The following FLRT2 variants were observed in gnomAD, a reference collection of about 807,000 sequenced individuals.
FLRT2 encodes the protein fibronectin leucine rich transmembrane protein 2.
FLRT2 carries 15 observed loss-of-function variants against 40.0 expected under a neutral mutation model. The ratio of observed to expected loss-of-function variants is 0.38; its 90% CI spans 0.25 to 0.58. FLRT2 has a LOEUF of 0.58. Among genes scored for constraint, FLRT2 ranks in the 20% least tolerant of loss-of-function variants. The pLI is 0.71. For synonymous variants in FLRT2, 380 were observed against 336.8 expected (o/e 1.13, Z -1.41); for missense variants, 726 against 840.0 (o/e 0.86, Z 1.68).
At chr14:85,587,994 C>T (rs1891703886) in intron 1 of FLRT2, among the ~76,000 whole-genome samples, 1 of 151,838 alleles carries the variant, frequency 6.6e-6, no homozygotes, top group African/African-American at 2.4e-5. Context: ...TGCAGTGGCG[C>T]AATCTCAGCT....
intron 1 of FLRT2, among the ~76,000 whole-genome samples, chr14:85,587,522 G>A (rs929811750): frequency 2.0e-5 from 3 of 151,902 alleles, no homozygotes; most frequent in African/African-American, 7.3e-5. Flanking sequence ...CATTTTAACT[G>A]GAACTTGATC....
chr14:85,589,315 T>C (rs1024637072), intron 1 of FLRT2, among the ~76,000 whole-genome samples: 1 of 152,186 alleles, frequency 6.6e-6, no homozygotes, highest in Admixed American at 6.5e-5. Flanking sequence ...TTTACTGGGG[T>C]GTGATGATAT....
intron 1 of FLRT2, among the ~76,000 whole-genome samples, chr14:85,602,896 G>C (rs1892440643): frequency 1.3e-5 from 2 of 152,190 alleles, no homozygotes. Context: ...TAGGGTTTCG[G>C]GTTTTTTTGC....
rs562689210 is a variant in FLRT2, at chr14:85,550,862, G to T, written c.-377+20328G>T. 3.9e-5 allele frequency among the ~76,000 whole-genome samples: 6 copies of T among 152,100 alleles called. No homozygotes were observed. The South Asian group carries it at 6.2e-4, about 16-fold the overall frequency. On this transcript the variant is annotated intron_variant, in intron 1 of 1. Transcript: ENST00000330753. ...GAGGGGGTTTCATTGGAAAATTGTA[G>T]CATTTCCTTTATTAGCGACCCTTAA...
At chr14:85,539,407 T>C (rs1465550269) in intron 1 of FLRT2, among the ~76,000 whole-genome samples, 1 of 152,054 alleles carries the variant, frequency 6.6e-6, no homozygotes, top group Non-Finnish European at 1.5e-5. Context: ...CTAGAAATAT[T>C]TTGATTTAAA....
At position 85,625,721 on chromosome 14, in the gene FLRT2, A is replaced by G. The variant is rs1388989680; in HGVS notation, c.*2224A>G. The stretch of plus-strand genomic sequence containing the variant: ...AGACAATGACATGGGGGCTTTGTGT[A>G]CTTAGCTGGATAATTCCCTTCTACT... On this transcript the variant is annotated 3_prime_UTR_variant, in exon 2 of 2. Coordinates refer to ENST00000330753, the MANE Select transcript of FLRT2 (RefSeq NM_013231.6). 3 of 167,110 alleles carry G rather than the reference A, an allele frequency of 1.8e-5. No homozygotes were observed. Among genetic ancestry groups the G allele is most frequent in the Non-Finnish European group, 4.4e-5 (3 of 68,158 alleles). 10.4% of individuals were successfully genotyped at this position (167,110 alleles called of 1,614,324 possible). A position where few individuals can be genotyped will look rare whatever the true frequency, so the allele number is the denominator to read the frequency against.
chr14:85,599,199 C>A (rs1308787046), intron 1 of FLRT2, among the ~76,000 whole-genome samples: 2 of 144,770 alleles, frequency 1.4e-5, no homozygotes, highest in Non-Finnish European at 3.0e-5. Context: ...GGATTACAGG[C>A]GTGAGCCGCT....
Position 85,570,318 on chromosome 14 carries a change from C to T in FLRT2, c.-377+39784C>T, listed in dbSNP as rs973384315. Among the ~76,000 whole-genome samples, 10 of 152,156 alleles carry T rather than the reference C, an allele frequency of 6.6e-5. No homozygotes were observed. The South Asian group carries it at 2.1e-3, about 31-fold the overall frequency. ...ACACATATGAAAATTGAACATGTAA[C>T]AATTCAACTTCCTTTTCATTTTAGG... On this transcript the variant is annotated intron_variant, in intron 1 of 1. Transcript: ENST00000330753.
intron 1 of FLRT2, among the ~76,000 whole-genome samples, chr14:85,580,128 C>T (rs1310389661): frequency 6.6e-6 from 1 of 151,926 alleles, no homozygotes; most frequent in African/African-American, 2.4e-5. Flanking sequence ...TCCTTTTGGA[C>T]TCTGAGCTGC....
rs1893981535 is a variant in FLRT2, at chr14:85,635,663, C to G, written c.*12166C>G. On this transcript the variant is annotated 3_prime_UTR_variant, in exon 2 of 2. Coordinates refer to ENST00000330753, the MANE Select transcript of FLRT2 (RefSeq NM_013231.6). ...TTTGATGGAATAGAACAGATTTTAACCCTGATCCCTGCCACTTTTATCTGA... is the reference window on the plus strand; with the variant it reads ...TTTGATGGAATAGAACAGATTTTAAGCCTGATCCCTGCCACTTTTATCTGA... 1 of 151,828 alleles carries G rather than the reference C, an allele frequency of 6.6e-6. No homozygotes were observed. The highest frequency in any genetic ancestry group is 1.5e-5 in the Non-Finnish European group (1 of 67,908). The allele number at this position is 151,828 out of a possible 1,614,324, so 9.4% of individuals were successfully genotyped here.
In FLRT2 at chr14:85,640,360, A is replaced by G. The variant is rs563683308; in HGVS notation, c.*16863A>G. 4.6e-5 allele frequency: 7 copies of G among 152,314 alleles called. No individual in the cohort carries two copies. The highest frequency in any genetic ancestry group is 3.4e-3 in the Middle Eastern group (1 of 294). The allele number at this position is 152,314 out of a possible 1,614,324, so 9.4% of individuals were successfully genotyped here. ...TTCCAAACTGCTGACTACATCTAGA[A>G]TCATGCAATTATTAGTTTTTAATAA... On this transcript the variant is annotated 3_prime_UTR_variant, in exon 2 of 2. Coordinates refer to ENST00000330753, the MANE Select transcript of FLRT2 (RefSeq NM_013231.6).
At chr14:85,600,111 T>A (rs1892317307) in intron 1 of FLRT2, among the ~76,000 whole-genome samples, 1 of 152,164 alleles carries the variant, frequency 6.6e-6, no homozygotes, top group Admixed American at 6.5e-5. Context: ...GTGAGCGATG[T>A]TGTAAAAGAA....
In FLRT2 at chr14:85,633,695, G is replaced by A. The variant is rs2139388616; in HGVS notation, c.*10198G>A. The A allele has an allele frequency of 6.6e-6, 1 of 151,720 alleles. No individual in the cohort carries two copies. The highest frequency in any genetic ancestry group is 1.9e-4 in the East Asian group (1 of 5,142). The allele number at this position is 151,720 out of a possible 1,614,324, so 9.4% of individuals were successfully genotyped here. ...TGTGCCTATAGTCCCAGCTACTTGG[G>A]AGGTTGAAGCAGGAGGGTCACTTGA... On this transcript the variant is annotated 3_prime_UTR_variant, in exon 2 of 2. Transcript: ENST00000330753.
rs45498191 is a variant in FLRT2, at chr14:85,626,360, G to T, written c.*2863G>T. 1.1e-4 allele frequency: 18 copies of T among 167,110 alleles called. No individual in the cohort carries two copies. The highest frequency in any genetic ancestry group is 2.1e-4 in the Non-Finnish European group (14 of 68,122). The allele number at this position is 167,110 out of a possible 1,614,324, so 10.4% of individuals were successfully genotyped here. A position where few individuals can be genotyped will look rare whatever the true frequency, so the allele number is the denominator to read the frequency against. On this transcript the variant is annotated 3_prime_UTR_variant, in exon 2 of 2. Transcript: ENST00000330753. ...ATGATTAGTCAAGAGTCAAGGTTGC[G>T]AGTACAGGCCAAGACCATGGGAAAA...
intron 1 of FLRT2, among the ~76,000 whole-genome samples, chr14:85,578,864 G>A (rs529744935): frequency 1.3e-5 from 2 of 152,104 alleles, no homozygotes; most frequent in African/African-American, 4.8e-5. Context: ...GACCTGGATG[G>A]CCATCCCTGC....
intron 1 of FLRT2, among the ~76,000 whole-genome samples, chr14:85,592,332 T>C (rs940873098): frequency 1.3e-5 from 2 of 152,114 alleles, no homozygotes; most frequent in Non-Finnish European, 2.9e-5. Context: ...GGGCTGCAAA[T>C]TGTGGGACAC....
rs1893637507 is a variant in FLRT2 at position 85,625,440 on chromosome 14, T to C, written c.*1943T>C. 1.2e-5 allele frequency: 2 copies of C among 166,954 alleles called. No homozygotes were observed. Among genetic ancestry groups the C allele is most frequent in the Non-Finnish European group, 2.9e-5 (2 of 68,122 alleles). The allele number at this position is 166,954 out of a possible 1,614,324, so 10.3% of individuals were successfully genotyped here. On this transcript the variant is annotated 3_prime_UTR_variant, in exon 2 of 2. Transcript: ENST00000330753. The stretch of plus-strand genomic sequence containing the variant: ...ATATAGCCCAACTTATATGTTTTAA[T>C]CTCCCTTGTCCCTCAGAATAAGCAG...
At position 85,627,180 on chromosome 14, in the gene FLRT2, A is replaced by T. The variant is rs1377279429; in HGVS notation, c.*3683A>T. On this transcript the variant is annotated 3_prime_UTR_variant, in exon 2 of 2. Transcript: ENST00000330753. ...GAACATGAGAATAGCAGTTTTGCTC[A>T]TGACTTACCATTCCAGCTGCATGGG... 1.2e-5 allele frequency: 2 copies of T among 167,112 alleles called. No homozygotes were observed. The highest frequency in any genetic ancestry group is 4.8e-5 in the African/African-American group (2 of 41,458). 10.4% of individuals were successfully genotyped at this position (167,112 alleles called of 1,614,324 possible).
At chr14:85,586,394 C>A (rs1345420044) in intron 1 of FLRT2, among the ~76,000 whole-genome samples, 1 of 151,978 alleles carries the variant, frequency 6.6e-6, no homozygotes, top group Non-Finnish European at 1.5e-5. Context: ...AAACAATGTT[C>A]AATCAATAAC....
Sources: allele counts gnomAD v4.1 joint callset (sites outside exome capture counted in the v4.1 genomes callset), GRCh38; gene constraint gnomAD v4.1.1; transcripts MANE v1.5; gene names NCBI Gene and HGNC (gene_info 2026-07-23, HGNC 2026-07-21).